Variants in CYP4A11 observed in about 807,000 individuals in gnomAD.
CYP4A11 encodes cytochrome P450 4A11.
In CYP4A11, 52 loss-of-function variants were observed where a neutral mutation model predicts 57.7. The ratio of observed to expected loss-of-function variants is 0.90; its 90% CI spans 0.72 to 1.14. CYP4A11 has a LOEUF of 1.14. CYP4A11 is among the 50% of genes most tolerant of loss of function. The pLI is 0.00. For synonymous variants in CYP4A11, 228 were observed against 247.1 expected (o/e 0.92, Z 0.72); for missense variants, 641 against 642.1 (o/e 1.00, Z 0.02).
intron 10 of CYP4A11, 27 bp from the exon 11 acceptor site, chr1:46,932,864 T>G (rs376514503): frequency 1.9e-6 from 3 of 1,613,954 alleles, no homozygotes; most frequent in Non-Finnish European, 2.5e-6. Context: ...AGAGCCAGGA[T>G]AGTTAAGGAT....
rs556035029 is a variant in CYP4A11 at position 46,941,099 on chromosome 1, G to A, written c.195+140C>T. Reference sequence around the variant, plus strand: ...GCTCCTCATGACTGGGAAAAGCTGAGACCAGAGAGGTAGGCTGGGTGTTCC... The same window carrying A: ...GCTCCTCATGACTGGGAAAAGCTGAAACCAGAGAGGTAGGCTGGGTGTTCC... On this transcript the variant is annotated intron_variant, in intron 1 of 11. Transcript: ENST00000310638. The A allele has an allele frequency of 1.3e-4, 192 of 1,422,758 alleles. 5 individuals are homozygous for A. The South Asian group carries it at 2.6e-3, about 19-fold the overall frequency. 88.1% of individuals were successfully genotyped at this position (1,422,758 alleles called of 1,614,324 possible). A position where few individuals can be genotyped will look rare whatever the true frequency, so the allele number is the denominator to read the frequency against.
rs369208625 is a variant in CYP4A11 at position 46,934,198 on chromosome 1, C to T, written c.1066G>A (p.Gly356Ser). The T allele has an allele frequency of 4.3e-6, 7 of 1,613,794 alleles. No individual in the cohort carries two copies. In the African/African-American group the frequency reaches 8.0e-5, roughly 18 times the overall value. The change falls in exon 8 of 12, where the codon GGT (glycine) becomes AGT (serine). Residue 356 changes from glycine to serine, a missense_variant. Gly to Ser is a moderately conservative substitution (Grantham distance 56, BLOSUM62 0). Coordinates refer to ENST00000310638, the MANE Select transcript of CYP4A11 (RefSeq NM_000778.4). The stretch of plus-strand genomic sequence containing the variant: ...CACCAGGTGATGGAGGCTCCATCAC[C>T]CAGGAGGCTGTGGATCTCCTCCCGG... ...RCREEIHSLL[G>S]DGASITWNHL...
In CYP4A11 at chr1:46,935,616, G is replaced by T; in HGVS notation, c.542C>A (p.Ser181Tyr). Residue 181 changes from serine (S) to tyrosine (Y), a missense_variant, in exon 5 of 12, where the codon TCC becomes TAC. Transcript: ENST00000310638. The stretch of plus-strand genomic sequence containing the variant: ...GACGTGCTGAAAGACCTCCAGAGGG[G>T]AATCCTGGCCAAGGAGCTCTTCCCA... ...DKWEELLGQDSPLEVFQHVSL... is the reference protein window; with the variant it reads ...DKWEELLGQDYPLEVFQHVSL... 6.2e-7 allele frequency: 1 copy of T among 1,613,950 alleles called. No homozygotes were observed. The highest frequency in any genetic ancestry group is 2.2e-5 in the East Asian group (1 of 44,880).
Position 46,935,771 on chromosome 1 carries a change from G to T in CYP4A11, c.511-124C>A, listed in dbSNP as rs1343644135. 4 of 1,522,138 alleles carry T rather than the reference G, an allele frequency of 2.6e-6. No homozygotes were observed. The African/African-American group carries it at 5.5e-5, about 21-fold the overall frequency. The allele number at this position is 1,522,138 out of a possible 1,614,324, so 94.3% of individuals were successfully genotyped here. ...TGTAGCATGCAGATATCTTGGTTGG[G>T]ATTCCTCACTTTACAGAGCAGATGC... is the stretch of plus-strand genomic sequence containing the variant. On this transcript the variant is annotated intron_variant, in intron 4 of 11. Transcript: ENST00000310638.
chr1:46,935,578 G>A lies in CYP4A11; in HGVS notation c.580C>T (p.Leu194=). The part of the protein sequence containing the change: ...EVFQHVSLMT[L]DTIMKCAFSH... Reference sequence around the variant, plus strand: ...AAGGCACACTTCATGATGGTGTCCAGGGTCATCAAGGAGACGTGCTGAAAG... The same window carrying A: ...AAGGCACACTTCATGATGGTGTCCAAGGTCATCAAGGAGACGTGCTGAAAG... The change falls in exon 5 of 12, where the codon CTG becomes TTG. Residue 194 remains leucine (L), a synonymous_variant. Coordinates refer to ENST00000310638, the MANE Select transcript of CYP4A11 (RefSeq NM_000778.4). 1.2e-6 allele frequency: 2 copies of A among 1,613,980 alleles called. No homozygotes were observed. Among genetic ancestry groups the A allele is most frequent in the Non-Finnish European group, 1.7e-6 (2 of 1,179,868 alleles).
chr1:46,932,291 AG>A, intron 11 of CYP4A11: 1 of 1,015,090 alleles, frequency 9.9e-7, no homozygotes, highest in Non-Finnish European at 1.2e-6. Flanking sequence ...ACAGATGCAA[AG>A]ACTTCAATGA....
chr1:46,930,147 G>A lies in CYP4A11; in HGVS notation c.1528C>T (p.Pro510Ser). 1 of 1,613,850 alleles carries A rather than the reference G, an allele frequency of 6.2e-7. No homozygotes were observed. The change falls in exon 12 of 12, where the codon CCT becomes TCT. Residue 510 changes from proline to serine, a missense_variant. By Grantham distance (74) the Pro-to-Ser change is moderately conservative. Transcript: ENST00000310638. ...TGGTCCTTGTCTTCACAAGGGTTAG[G>A]GAGCCTCCTGAGACGCAGGTGGATT... is the stretch of plus-strand genomic sequence containing the variant. ...NGIHLRLRRLPNPCEDKDQL is the reference protein window; with the variant it reads ...NGIHLRLRRLSNPCEDKDQL
At chr1:46,930,473 T>C (rs1168477355) in intron 11 of CYP4A11, among the ~76,000 whole-genome samples, 163 bp from the exon 12 acceptor site, 1 of 152,154 alleles carries the variant, frequency 6.6e-6, no homozygotes, top group Non-Finnish European at 1.5e-5. Context: ...TACCCCGTCC[T>C]GGCTTCACAC....
intron 9 of CYP4A11, 69 bp from the exon 10 acceptor site, chr1:46,933,116 C>A (rs1419246550): frequency 6.3e-7 from 1 of 1,592,866 alleles, no homozygotes; most frequent in Non-Finnish European, 8.5e-7. Context: ...CTTCAGCCAG[C>A]AGGCACAAAA....
At chr1:46,931,119 C>G (rs1472802768) in intron 11 of CYP4A11, among the ~76,000 whole-genome samples, 1 of 152,216 alleles carries the variant, frequency 6.6e-6, no homozygotes. Context: ...GGGCTCTTGC[C>G]TCACCCACAT....
chr1:46,934,250 G>T lies in CYP4A11; in HGVS notation c.1014C>A (p.Ala338=). The T allele has an allele frequency of 6.2e-7, 1 of 1,613,610 alleles. No individual in the cohort carries two copies. Among genetic ancestry groups the T allele is most frequent in the Non-Finnish European group, 8.5e-7 (1 of 1,179,812 alleles). ...ACCTCTCCTGATGCTTGGGGTGTGT[G>T]GCCAGAGCATAGAGGATCCAGGAGA... The part of the protein sequence containing the change: ...SGISWILYAL[A]THPKHQERCR... Residue 338 remains alanine, a synonymous_variant, in exon 8 of 12, where the codon GCC becomes GCA. Transcript: ENST00000310638.
At position 46,930,013 on chromosome 1, in the gene CYP4A11, A is replaced by C; in HGVS notation, c.*102T>G. ...GCAGGCAGACTGGGGGACAGCAGGC[A>C]GGTGGGAAGAAGGGAAGGTGGGCAG... On this transcript the variant is annotated 3_prime_UTR_variant, in exon 12 of 12. Coordinates refer to ENST00000310638, the MANE Select transcript of CYP4A11 (RefSeq NM_000778.4). 1 of 1,392,192 alleles carries C rather than the reference A, an allele frequency of 7.2e-7. No homozygotes were observed. The highest frequency in any genetic ancestry group is 2.5e-5 in the East Asian group (1 of 39,804). 86.2% of individuals were successfully genotyped at this position (1,392,192 alleles called of 1,614,324 possible). A position where few individuals can be genotyped will look rare whatever the true frequency, so the allele number is the denominator to read the frequency against.
Position 46,935,036 on chromosome 1 carries a change from T to C in CYP4A11, c.754A>G (p.Thr252Ala). Reference sequence around the variant, plus strand: ...TGGGCCAGCTGGCAGGCGCGGTGTGTCCAGCGGCCAGCAGAGGTCAGGCTG... The same window carrying C: ...TGGGCCAGCTGGCAGGCGCGGTGTGCCCAGCGGCCAGCAGAGGTCAGGCTG... Reference protein sequence around the residue: ...IYSLTSAGRWTHRACQLAHQH... With the variant: ...IYSLTSAGRWAHRACQLAHQH... Residue 252 changes from threonine to alanine, a missense_variant, in exon 6 of 12, where the codon ACA (threonine) becomes GCA (alanine). Transcript: ENST00000310638. 3.1e-6 allele frequency: 5 copies of C among 1,614,108 alleles called. No homozygotes were observed. The highest frequency in any genetic ancestry group is 4.2e-6 in the Non-Finnish European group (5 of 1,180,002).
At chr1:46,940,935 C>T in intron 1 of CYP4A11, 1 of 985,334 alleles carries the variant, frequency 1.0e-6, no homozygotes, top group Non-Finnish European at 1.2e-6. Flanking sequence ...AAAGCCAAGG[C>T]TTATGGGGTA....
chr1:46,941,198 C>G, intron 1 of CYP4A11, 41 bp downstream of exon 1: 2 of 1,585,130 alleles, frequency 1.3e-6, no homozygotes, highest in Non-Finnish European at 1.7e-6. Flanking sequence ...AGAGCCCCAT[C>G]CCTCTTTGCC....
chr1:46,934,515 C>T lies in CYP4A11; in HGVS notation c.835G>A (p.Glu279Lys), dbSNP rs1196409448. 1.2e-6 allele frequency: 2 copies of T among 1,613,830 alleles called. No homozygotes were observed. Among genetic ancestry groups the T allele is most frequent in the Non-Finnish European group, 1.7e-6 (2 of 1,179,844 alleles). Residue 279 changes from glutamate (E) to lysine (K), a missense_variant, in exon 7 of 12, where the codon GAG (glutamate) becomes AAG (lysine). Glu to Lys is a moderately conservative substitution (Grantham distance 56). Coordinates refer to ENST00000310638, the MANE Select transcript of CYP4A11 (RefSeq NM_000778.4). ...CTCTTCCTCTTGATCTTCTCCAGCT[C>T]CCCCTCCTTCTGTAGTTGAGCCTTC... ...LRKAQLQKEGELEKIKRKRHL... is the reference protein window; with the variant it reads ...LRKAQLQKEGKLEKIKRKRHL...
intron 11 of CYP4A11, 65 bp downstream of exon 11, chr1:46,932,696 G>C: frequency 6.2e-7 from 1 of 1,613,624 alleles, no homozygotes; most frequent in East Asian, 2.2e-5. Flanking sequence ...GGCTCACAAA[G>C]ATCAGAGGGT....
At position 46,934,232 on chromosome 1, in the gene CYP4A11, C is replaced by T. The variant is rs780385066; in HGVS notation, c.1032G>A (p.Gln344=). Residue 344 remains glutamine (Q), a synonymous_variant, in exon 8 of 12, where the codon CAG becomes CAA. Coordinates refer to ENST00000310638, the MANE Select transcript of CYP4A11 (RefSeq NM_000778.4). The part of the protein sequence containing the change: ...LYALATHPKH[Q]ERCREEIHSL... ...TGTGGATCTCCTCCCGGCACCTCTCCTGATGCTTGGGGTGTGTGGCCAGAG... is the reference window on the plus strand; with the variant it reads ...TGTGGATCTCCTCCCGGCACCTCTCTTGATGCTTGGGGTGTGTGGCCAGAG... 6.2e-7 allele frequency: 1 copy of T among 1,613,692 alleles called. No individual in the cohort carries two copies.
intron 1 of CYP4A11, among the ~76,000 whole-genome samples, chr1:46,939,634 G>A (rs766513991): frequency 5.3e-5 from 8 of 152,202 alleles, no homozygotes; most frequent in African/African-American, 4.8e-5. Context: ...CACTGCTCTG[G>A]CCTCTTGAGA....
Sources: gnomAD v4.1 joint callset for allele counts (sites outside exome capture counted in the v4.1 genomes callset) on GRCh38, gnomAD v4.1.1 for gene constraint, MANE v1.5 for transcripts, NCBI Gene and HGNC (gene_info 2026-07-23, HGNC 2026-07-21) for gene names.